Variants in ADARB2 observed in about 807,000 individuals in gnomAD.
The protein encoded by ADARB2 is inactive double-stranded RNA-specific editase B2.
A neutral mutation model predicts 62.2 loss-of-function variants in ADARB2; 25 were observed. The observed-to-expected ratio is 0.40, with a 90% CI of 0.29 to 0.56. The LOEUF is 0.56. ADARB2 is among the 20% of genes least tolerant of loss of function. ADARB2 has a pLI of 0.43. For synonymous variants in ADARB2, 572 were observed against 500.8 expected (o/e 1.14, Z -1.90); for missense variants, 1,071 against 1,077.4 (o/e 0.99, Z 0.08).
chr10:1,561,038 G>A (rs1470905591), intron 1 of ADARB2, among the ~76,000 whole-genome samples: 1 of 152,040 alleles, frequency 6.6e-6, no homozygotes, highest in Non-Finnish European at 1.5e-5. Flanking sequence ...TGAGCCACAG[G>A]GGTACCACTA....
intron 1 of ADARB2, among the ~76,000 whole-genome samples, chr10:1,735,683 G>T (rs968574621): frequency 6.6e-6 from 1 of 152,156 alleles, no homozygotes; most frequent in African/African-American, 2.4e-5. Context: ...AATCGCAAGC[G>T]CACACTTAGC....
chr10:1,450,699 T>C (rs1831026031), intron 1 of ADARB2, among the ~76,000 whole-genome samples: 1 of 152,106 alleles, frequency 6.6e-6, no homozygotes, highest in Admixed American at 6.5e-5. Context: ...GCAGGGAACA[T>C]GGGTGAGTGG....
At chr10:1,674,998 T>C in intron 1 of ADARB2, 1 of 983,368 alleles carries the variant, frequency 1.0e-6, no homozygotes, top group Non-Finnish European at 1.2e-6. Flanking sequence ...TACATGGATA[T>C]TCTGGAGGTT....
chr10:1,231,155 C>T (rs534302348), intron 6 of ADARB2, among the ~76,000 whole-genome samples: 1 of 152,264 alleles, frequency 6.6e-6, no homozygotes, highest in South Asian at 2.1e-4. Context: ...ACTCAGCCCT[C>T]TCCCAACTCC....
chr10:1,375,346 C>T (rs1338841064), intron 2 of ADARB2, among the ~76,000 whole-genome samples: 1 of 152,206 alleles, frequency 6.6e-6, no homozygotes, highest in Non-Finnish European at 1.5e-5. Context: ...GCCTTACAAA[C>T]GTGGAGTTGT....
intron 1 of ADARB2, among the ~76,000 whole-genome samples, chr10:1,503,269 G>A (rs2063939): frequency 4.6e-5 from 7 of 151,894 alleles, no homozygotes; most frequent in Admixed American, 3.3e-4. Context: ...TCATTTCAAC[G>A]TCTGCCTCCC....
chr10:1,301,206 C>G (rs1831569597), intron 3 of ADARB2, among the ~76,000 whole-genome samples: 1 of 152,200 alleles, frequency 6.6e-6, no homozygotes, highest in Non-Finnish European at 1.5e-5. Context: ...GTTATGGACT[C>G]TGTGCGTGCT....
At chr10:1,291,166 G>A (rs1253188347) in intron 3 of ADARB2, 1 of 152,246 alleles carries the variant, frequency 6.6e-6, no homozygotes, top group Admixed American at 6.5e-5. Flanking sequence ...AAGCCTTTAA[G>A]TGAGCATCTA....
In ADARB2 at chr10:1,727,957, G is replaced by T. The variant is rs192950596; in HGVS notation, c.100+9094C>A. Among the ~76,000 whole-genome samples, 513 of 152,322 alleles carry T rather than the reference G, an allele frequency of 3.4e-3. 4 individuals carry two copies. Among genetic ancestry groups the T allele is most frequent in the African/African-American group, 0.012 (494 of 41,576 alleles). The stretch of plus-strand genomic sequence containing the variant: ...CACATATAATGTTTAAGGCAAAATT[G>T]CAAACAGAGCAGAATTGGATAGCAC... On this transcript the variant is annotated intron_variant, in intron 1 of 9. Coordinates refer to ENST00000381312, the MANE Select transcript of ADARB2 (RefSeq NM_018702.4).
At chr10:1,612,311 G>A (rs1262095512) in intron 1 of ADARB2, among the ~76,000 whole-genome samples, 1 of 152,236 alleles carries the variant, frequency 6.6e-6, no homozygotes, top group Non-Finnish European at 1.5e-5. Context: ...GAAGCCAGGA[G>A]GAAAGAGCAG....
At chr10:1,432,512 A>G (rs1830786989) in intron 1 of ADARB2, among the ~76,000 whole-genome samples, 1 of 150,626 alleles carries the variant, frequency 6.6e-6, no homozygotes, top group African/African-American at 2.5e-5. Context: ...TACTTTTGCT[A>G]GAAATATTTT....
intron 3 of ADARB2, among the ~76,000 whole-genome samples, chr10:1,350,938 A>G (rs1832130849): frequency 6.6e-6 from 1 of 152,166 alleles, no homozygotes; most frequent in Admixed American, 6.5e-5. Context: ...AACCCCCGCC[A>G]TATCTCCAGC....
At chr10:1,725,640 A>G (rs2119039148) in intron 1 of ADARB2, among the ~76,000 whole-genome samples, 1 of 152,330 alleles carries the variant, frequency 6.6e-6, no homozygotes, top group South Asian at 2.1e-4. Context: ...AACACCCGAG[A>G]GAGCAGGGAG....
intron 1 of ADARB2, among the ~76,000 whole-genome samples, chr10:1,467,419 T>G (rs1413710866): frequency 3.9e-5 from 6 of 152,164 alleles, no homozygotes. Flanking sequence ...CCCCATCTCC[T>G]TCTCAGTTTC....
At chr10:1,733,004 C>G (rs567946469) in intron 1 of ADARB2, among the ~76,000 whole-genome samples, 25 of 152,232 alleles carry the variant, frequency 1.6e-4, no homozygotes, top group Non-Finnish European at 3.2e-4. Flanking sequence ...GTTTCTAAAA[C>G]TCTGTATAAC....
intron 1 of ADARB2, among the ~76,000 whole-genome samples, chr10:1,660,763 ACT>A (rs1236455482): frequency 2.6e-5 from 4 of 152,148 alleles, no homozygotes; most frequent in African/African-American, 9.7e-5. Context: ...TTTGATCCGC[ACT>A]GTGTCAGTAT....
At chr10:1,648,681 C>A (rs10903533) in intron 1 of ADARB2, among the ~76,000 whole-genome samples, 71,538 of 151,962 alleles carry the variant, frequency 0.47, 17,064 homozygotes, top group South Asian at 0.53. Context: ...TTCTATTTTA[C>A]GGCATGTTCA....
chr10:1,630,955 A>G, intron 1 of ADARB2, among the ~76,000 whole-genome samples: 1 of 81,970 alleles, frequency 1.2e-5, no homozygotes, highest in African/African-American at 4.7e-5. Context: ...ACTCCTTCTC[A>G]AAAACAAACA....
intron 1 of ADARB2, among the ~76,000 whole-genome samples, chr10:1,401,329 G>A (rs900359941): frequency 3.3e-5 from 5 of 152,194 alleles, no homozygotes; most frequent in African/African-American, 9.6e-5. Flanking sequence ...GCCCTGCGGG[G>A]ACCAGGGTTT....
Sources: gnomAD v4.1 joint callset for allele counts (sites outside exome capture counted in the v4.1 genomes callset) on GRCh38, gnomAD v4.1.1 for gene constraint, MANE v1.5 for transcripts, NCBI Gene and HGNC (gene_info 2026-07-23, HGNC 2026-07-21) for gene names.